Variants in CD55 observed in about 807,000 individuals in gnomAD.
The protein encoded by CD55 is complement decay-accelerating factor.
CD55 carries 41 observed loss-of-function variants against 45.8 expected under a neutral mutation model. The ratio of observed to expected loss-of-function variants is 0.90; its 90% confidence interval spans 0.70 to 1.16. The LOEUF is 1.16. Ranked by LOEUF, CD55 falls within the 50% of genes most tolerant of loss-of-function variation. The pLI, the probability that CD55 is intolerant of heterozygous loss-of-function variation, is 0.00. For synonymous variants in CD55, 181 were observed against 181.1 expected, an observed-to-expected ratio of 1.00 and a Z score of 0.01; for missense variants, 416 against 469.8, an observed-to-expected ratio of 0.89 and a Z score of 1.06.
chr1:207,321,887 G>T (rs764070431), intron 1 of CD55, 22 bp downstream of exon 1: 5 of 1,489,924 alleles, frequency 3.4e-6, no homozygotes, highest in Non-Finnish European at 4.5e-6. Context: ...CCCGGCGGCC[G>T]GGGAAGCCCC....
chr1:207,339,976 CCTTT>C (rs751994919), intron 9 of CD55, among the ~76,000 whole-genome samples: 22 of 152,176 alleles, frequency 1.4e-4, no homozygotes, highest in African/African-American at 3.1e-4. Context: ...CATTTTAGGT[CCTTT>C]CTTCTAGTGA....
At chr1:207,337,029 G>T in intron 7 of CD55, 1 of 635,154 alleles carries the variant, frequency 1.6e-6, no homozygotes. Flanking sequence ...TCAGCTACAG[G>T]AACCCTACCA....
chr1:207,354,336 G>A, intron 9 of CD55: 1 of 608,898 alleles, frequency 1.6e-6, no homozygotes, highest in Admixed American at 6.3e-5. Flanking sequence ...AAGATATTAA[G>A]TGCAATTTAA....
At chr1:207,353,931 A>G (rs1655984520) in intron 9 of CD55, 1 of 1,341,114 alleles carries the variant, frequency 7.5e-7, no homozygotes, top group Admixed American at 2.1e-5. Flanking sequence ...TACATTAAGT[A>G]TGATATAAGC....
rs1302150392 is a variant in CD55, at chr1:207,359,848, A to G, written c.*238A>G. On this transcript the variant is annotated 3_prime_UTR_variant, in exon 10 of 10. Transcript: ENST00000367064. ...AGAACAACTTGCAGAATTGAGAGTG[A>G]TTCCTTTCCTAAAAGTGTAAGAAAG... 1 of 377,170 alleles carries G rather than the reference A, an allele frequency of 2.7e-6. No homozygotes were observed. Among genetic ancestry groups the G allele is most frequent in the Non-Finnish European group, 4.7e-6 (1 of 214,572 alleles). 23.4% of individuals were successfully genotyped at this position (377,170 alleles called of 1,614,324 possible). A position where few individuals can be genotyped will look rare whatever the true frequency, so the allele number is the denominator to read the frequency against.
intron 9 of CD55, among the ~76,000 whole-genome samples, chr1:207,356,836 C>T (rs1416157244): frequency 6.6e-6 from 1 of 152,138 alleles, no homozygotes. Flanking sequence ...TCACGATTGG[C>T]TCTGATGTGT....
chr1:207,354,519 T>G (rs2102443883), intron 9 of CD55, among the ~76,000 whole-genome samples: 1 of 152,324 alleles, frequency 6.6e-6, no homozygotes, highest in South Asian at 2.1e-4. Flanking sequence ...AGAAAACCTT[T>G]TTCTAACATT....
Position 207,321,860 on chromosome 1 carries a change from T to C in CD55, c.95T>C (p.Val32Ala). Residue 32 changes from valine to alanine, a missense_variant, in exon 1 of 10, where the codon GTG (valine) becomes GCG (alanine). Coordinates refer to ENST00000367064, the MANE Select transcript of CD55 (RefSeq NM_000574.5). Reference sequence around the variant, plus strand: ...CTGGTGCTGTTGTGCCTGCCGGCCGTGTGGGGTGAGTAGGGGCCCGGCGGC... The same window carrying C: ...CTGGTGCTGTTGTGCCTGCCGGCCGCGTGGGGTGAGTAGGGGCCCGGCGGC... ...LLLVLLCLPA[V>A]WGDCGLPPDV... 1 of 1,525,436 alleles carries C rather than the reference T, an allele frequency of 6.6e-7. No homozygotes were observed. Among genetic ancestry groups the C allele is most frequent in the East Asian group, 2.5e-5 (1 of 40,114 alleles). 94.5% of individuals were successfully genotyped at this position (1,525,436 alleles called of 1,614,324 possible).
chr1:207,341,877 G>A (rs868366350), intron 9 of CD55, among the ~76,000 whole-genome samples: 4 of 152,042 alleles, frequency 2.6e-5, no homozygotes, highest in Non-Finnish European at 4.4e-5. Flanking sequence ...CAGTCCGTGA[G>A]CATGGGATGT....
At chr1:207,334,074 A>C (rs183181776) in intron 6 of CD55, among the ~76,000 whole-genome samples, 3 of 152,296 alleles carry the variant, frequency 2.0e-5, no homozygotes, top group Admixed American at 2.0e-4. Flanking sequence ...TCTAAGCTGA[A>C]TAAAAATAAA....
In CD55 at chr1:207,343,071, C is replaced by T. The variant is rs572222806; in HGVS notation, c.1081+3654C>T. Among the ~76,000 whole-genome samples the T allele has an allele frequency of 6.6e-5, 10 of 151,878 alleles. No individual in the cohort carries two copies. The East Asian group carries it at 1.9e-3, about 29-fold the overall frequency. On this transcript the variant is annotated intron_variant, in intron 9 of 9. Transcript: ENST00000367064. ...TTTTCATTTCTGATTTTATTTGGGG[C>T]TTCTCTCTTTTTTTCTTGGTTAGTC... is the stretch of plus-strand genomic sequence containing the variant.
intron 6 of CD55, among the ~76,000 whole-genome samples, chr1:207,336,269 A>G (rs1031997573): frequency 1.3e-5 from 2 of 152,196 alleles, no homozygotes. Flanking sequence ...TCTCAGGCTC[A>G]TTAAGGTTAA....
intron 6 of CD55, among the ~76,000 whole-genome samples, chr1:207,333,405 T>C (rs1655035148): frequency 6.6e-6 from 1 of 152,246 alleles, no homozygotes; most frequent in Non-Finnish European, 1.5e-5. Flanking sequence ...AGATGGAGTC[T>C]TACTGAAACT....
chr1:207,360,170 GATA>G lies in CD55; in HGVS notation c.*562_*564del, dbSNP rs1656242326. ...CTGGTGAACCAGGGGTGTTGATGGTGATAAGGGAGGAATATAGAATGAAAGACT... is the reference window on the plus strand; with the variant it reads ...CTGGTGAACCAGGGGTGTTGATGGTGAGGGAGGAATATAGAATGAAAGACT... On this transcript the variant is annotated 3_prime_UTR_variant, in exon 10 of 10. Coordinates refer to ENST00000367064, the MANE Select transcript of CD55 (RefSeq NM_000574.5). The G allele has an allele frequency of 6.6e-6, 1 of 152,162 alleles. No homozygotes were observed. The highest frequency in any genetic ancestry group is 1.5e-5 in the Non-Finnish European group (1 of 68,026). The allele number at this position is 152,162 out of a possible 1,614,324, so 9.4% of individuals were successfully genotyped here. A position where few individuals can be genotyped will look rare whatever the true frequency, so the allele number is the denominator to read the frequency against.
chr1:207,350,058 T>G (rs893871765), intron 9 of CD55: 1 of 453,198 alleles, frequency 2.2e-6, no homozygotes, highest in Non-Finnish European at 4.4e-6. Context: ...TTGATGACTT[T>G]TAACATGAAG....
chr1:207,348,571 T>G (rs1282481797), intron 9 of CD55, among the ~76,000 whole-genome samples: 1 of 152,252 alleles, frequency 6.6e-6, no homozygotes, highest in African/African-American at 2.4e-5. Context: ...GCACTTTAGT[T>G]TAATTATGTC....
intron 9 of CD55, among the ~76,000 whole-genome samples, chr1:207,359,050 T>C (rs186387778): frequency 6.6e-6 from 1 of 152,286 alleles, no homozygotes; most frequent in Admixed American, 6.5e-5. Flanking sequence ...TAATATGTGC[T>C]AAGATATCCT....
intron 6 of CD55, among the ~76,000 whole-genome samples, chr1:207,331,644 G>A (rs982922314): frequency 6.6e-6 from 1 of 152,182 alleles, no homozygotes; most frequent in African/African-American, 2.4e-5. Flanking sequence ...ATTGGAGGGA[G>A]AATCTTAGAT....
At chr1:207,324,818 T>C (rs983427381) in intron 3 of CD55, 68 bp downstream of exon 3, 11 of 937,882 alleles carry the variant, frequency 1.2e-5, no homozygotes, top group Non-Finnish European at 1.7e-5. Flanking sequence ...CCTTCCTTCA[T>C]TCATGCTAGA....
Sources: gnomAD v4.1 joint callset for allele counts (sites outside exome capture counted in the v4.1 genomes callset) on GRCh38, gnomAD v4.1.1 for gene constraint, MANE v1.5 for transcripts, NCBI Gene and HGNC (gene_info 2026-07-23, HGNC 2026-07-21) for gene names.